The following GALNS variants were observed in gnomAD, a reference collection of about 807,000 sequenced individuals.
GALNS encodes N-acetylgalactosamine-6-sulfatase.
GALNS carries 65 observed loss-of-function variants against 65.9 expected under a neutral mutation model. That is an observed-to-expected ratio of 0.99 (90% CI 0.81 to 1.21). The LOEUF is 1.21. Among genes scored for constraint, GALNS ranks in the 50% most tolerant of loss-of-function variants. GALNS has a pLI of 0.00. For missense variants in GALNS, 776 were observed against 700.7 expected, an observed-to-expected ratio of 1.11 and a Z score of -1.21; for synonymous variants, 346 against 288.9, an observed-to-expected ratio of 1.20 and a Z score of -2.00.
rs1444270511 is a variant in GALNS, at chr16:88,843,180, T to C, written c.121-351A>G. The C allele has an allele frequency of 4.4e-6, 6 of 1,374,662 alleles. No homozygotes were observed. The East Asian group carries it at 2.4e-4, about 55-fold the overall frequency. 85.2% of individuals were successfully genotyped at this position (1,374,662 alleles called of 1,614,324 possible). Reference sequence around the variant, plus strand: ...CCAGCATCTGCATGCTCGCAGGAGCTGGCCTCTAAACACGTGCATCTATTT... The same window carrying C: ...CCAGCATCTGCATGCTCGCAGGAGCCGGCCTCTAAACACGTGCATCTATTT... On this transcript the variant is annotated intron_variant, in intron 1 of 13. Coordinates refer to ENST00000268695, the MANE Select transcript of GALNS (RefSeq NM_000512.5).
At chr16:88,833,064 C>T (rs1290270766) in intron 8 of GALNS, among the ~76,000 whole-genome samples, 6 of 120,132 alleles carry the variant, frequency 5.0e-5, no homozygotes, top group Admixed American at 2.2e-4. Context: ...GGCAACAGAG[C>T]GAGACTCCTT....
rs753509414 is a variant in GALNS at position 88,824,755 on chromosome 16, C to G, written c.1242+12G>C. 3.1e-6 allele frequency: 5 copies of G among 1,611,308 alleles called. No individual in the cohort carries two copies. Among genetic ancestry groups the G allele is most frequent in the Non-Finnish European group, 4.2e-6 (5 of 1,178,358 alleles). On this transcript the variant is annotated intron_variant, in intron 11 of 13. Transcript: ENST00000268695. The stretch of plus-strand genomic sequence containing the variant: ...GGCAGCTCCGCCTGCGCCCACGTCC[C>G]GAGCCCTGTACCTGTCTGAAGTTCT...
Position 88,842,768 on chromosome 16 carries a change from C to T in GALNS, c.182G>A (p.Arg61Gln), listed in dbSNP as rs748493501. 10 of 1,613,098 alleles carry T rather than the reference C, an allele frequency of 6.2e-6. No individual in the cohort carries two copies. The highest frequency in any genetic ancestry group is 3.3e-5 in the South Asian group (3 of 90,870). The stretch of plus-strand genomic sequence containing the variant: ...GAAAAGCAGCCCTTCTGCAGCCATC[C>T]GGTCCAAATTCGGGGTCTCTCTGGA... ...EPSRETPNLD[R>Q]MAAEGLLFPN... The change falls in exon 2 of 14, where the codon CGG becomes CAG. Residue 61 changes from arginine to glutamine, a missense_variant. Transcript: ENST00000268695.
At position 88,829,999 on chromosome 16, in the gene GALNS, G is replaced by A. The variant is rs566087341; in HGVS notation, c.1002+1999C>T. ...TGTAATCCCAACACTTTCGGAGGCC[G>A]AGGCGGGCAGATCACGAGGTCAGGA... On this transcript the variant is annotated intron_variant, in intron 9 of 13. Coordinates refer to ENST00000268695, the MANE Select transcript of GALNS (RefSeq NM_000512.5). 3.6e-3 allele frequency among the ~76,000 whole-genome samples: 554 copies of A among 152,290 alleles called. 2 individuals are homozygous for A. The highest frequency in any genetic ancestry group is 6.2e-3 in the Non-Finnish European group (422 of 68,018).
chr16:88,848,525 C>T (rs928776132), intron 1 of GALNS, among the ~76,000 whole-genome samples: 20 of 146,394 alleles, frequency 1.4e-4, no homozygotes, highest in African/African-American at 4.7e-4. Flanking sequence ...CCCAGCTACT[C>T]GGGAGGCTGA....
At chr16:88,824,533 C>T (rs534713403) in intron 11 of GALNS, among the ~76,000 whole-genome samples, 3 of 152,236 alleles carry the variant, frequency 2.0e-5, no homozygotes, top group East Asian at 1.9e-4. Flanking sequence ...AGCTATGCCG[C>T]GGGGCTACTG....
chr16:88,820,607 CT>C (rs368734855), intron 12 of GALNS, among the ~76,000 whole-genome samples: 3 of 152,238 alleles, frequency 2.0e-5, no homozygotes, highest in African/African-American at 7.2e-5. Flanking sequence ...TGCCTGCTGC[CT>C]GGGTTTGCTT....
At chr16:88,822,471 G>C (rs1260054965) in intron 12 of GALNS, 118 bp downstream of exon 12, 2 of 1,364,496 alleles carry the variant, frequency 1.5e-6, no homozygotes, top group Non-Finnish European at 2.1e-6. Context: ...AGCAACAGCA[G>C]ATGCAGGCAA....
chr16:88,838,141 G>A (rs1008324442), intron 4 of GALNS, among the ~76,000 whole-genome samples: 4 of 152,258 alleles, frequency 2.6e-5, no homozygotes, highest in Admixed American at 1.3e-4. Flanking sequence ...AGAGTTTTGC[G>A]GGTCATGCCT....
chr16:88,843,764 G>A (rs1050828133), intron 1 of GALNS: 1 of 139,662 alleles, frequency 7.2e-6, no homozygotes, highest in African/African-American at 3.2e-5. Context: ...AAGGCCACCT[G>A]GCCTGTGGTA....
At position 88,836,254 on chromosome 16, in the gene GALNS, AT is replaced by A; in HGVS notation, c.579del (p.Glu193AspfsTer6). 6.2e-7 allele frequency: 1 copy of A among 1,612,650 alleles called. No homozygotes were observed. Among genetic ancestry groups the A allele is most frequent in the Non-Finnish European group, 8.5e-7 (1 of 1,179,488 alleles). On this transcript the variant is annotated frameshift_variant, in exon 6 of 14. Coordinates refer to ENST00000268695, the MANE Select transcript of GALNS (RefSeq NM_000512.5). LOFTEE classifies it high-confidence loss of function. ...DWEMVGRYYE[E>X]FPINLKTGEA... is the part of the protein sequence containing the mutation. ...TCCCCCGTCTTCAGATTAATAGGAA[AT>A]TCTTCATAATATCTGAAAAGAACAC...
chr16:88,849,886 G>A (rs1172860954), intron 1 of GALNS, among the ~76,000 whole-genome samples: 1 of 152,256 alleles, frequency 6.6e-6, no homozygotes, highest in East Asian at 1.9e-4. Flanking sequence ...CATGGGCTGA[G>A]AAGGGACCTT....
chr16:88,833,077 C>CAAA (rs869226834), intron 8 of GALNS, among the ~76,000 whole-genome samples: 20 of 74,624 alleles, frequency 2.7e-4, no homozygotes, highest in South Asian at 4.4e-4. Context: ...GACTCCTTCT[C>CAAA]AAAAAAAAAA....
intron 13 of GALNS, chr16:88,815,811 C>T (rs1909560888): frequency 2.0e-6 from 2 of 985,268 alleles, no homozygotes; most frequent in African/African-American, 1.7e-5. Context: ...AAGCTGCTCC[C>T]AAACTCCAGG....
At chr16:88,822,860 G>A in intron 11 of GALNS, 150 bp from the exon 12 acceptor site, 1 of 1,229,488 alleles carries the variant, frequency 8.1e-7, no homozygotes. Context: ...GCCGTGGGGG[G>A]GTCTCGTCTG....
chr16:88,856,928 G>T lies in GALNS; in HGVS notation c.-51C>A, dbSNP rs1017343183. 107 of 1,478,958 alleles carry T rather than the reference G, an allele frequency of 7.2e-5. No individual in the cohort carries two copies. Among genetic ancestry groups the T allele is most frequent in the Non-Finnish European group, 9.3e-5 (105 of 1,123,210 alleles). 91.6% of individuals were successfully genotyped at this position (1,478,958 alleles called of 1,614,324 possible). ...CGGCCAGCGAGCCGACCTAGCGAGC[G>T]TCCGCCGGCCCTTCCGGCTGGGCTG... On this transcript the variant is annotated 5_prime_UTR_variant, in exon 1 of 14. Transcript: ENST00000268695.
chr16:88,847,841 T>A (rs917199706), intron 1 of GALNS, among the ~76,000 whole-genome samples: 1 of 152,218 alleles, frequency 6.6e-6, no homozygotes, highest in African/African-American at 2.4e-5. Flanking sequence ...AGCGCCTCCC[T>A]GGTACACGCC....
rs3859024 is a variant in GALNS at position 88,826,605 on chromosome 16, C to G, written c.1139+97G>C. 0.31 allele frequency: 452,150 copies of G among 1,448,608 alleles called. 73,559 individuals carry two copies. The highest frequency in any genetic ancestry group is 0.6 in the East Asian group (26,028 of 43,672). 89.7% of individuals were successfully genotyped at this position (1,448,608 alleles called of 1,614,324 possible). ...GCACGAGCACGCCTGTGTCCAGAAC[C>G]AGGAGGGCTGCTGGGCCTGGGGGTT... On this transcript the variant is annotated intron_variant, in intron 10 of 13. Coordinates refer to ENST00000268695, the MANE Select transcript of GALNS (RefSeq NM_000512.5).
chr16:88,836,269 T>C lies in GALNS; in HGVS notation c.567-2A>G. On this transcript the variant is annotated splice_acceptor_variant, in intron 5 of 13. Transcript: ENST00000268695. LOFTEE classifies it high-confidence loss of function. ...TTAATAGGAAATTCTTCATAATATC[T>C]GAAAAGAACACAGATCCAGACAGAC... is the stretch of plus-strand genomic sequence containing the variant. 2 of 1,610,526 alleles carry C rather than the reference T, an allele frequency of 1.2e-6. No homozygotes were observed.
Sources: allele counts gnomAD v4.1 joint callset (sites outside exome capture counted in the v4.1 genomes callset), GRCh38; gene constraint gnomAD v4.1.1; transcripts MANE v1.5; gene names NCBI Gene and HGNC (gene_info 2026-07-23, HGNC 2026-07-21).